SUMF1: variants seen among roughly 807,000 people sequenced by gnomAD.
SUMF1 encodes formylglycine-generating enzyme.
In SUMF1, 48 loss-of-function variants were observed where a neutral mutation model predicts 47.6. The observed-to-expected ratio is 1.01, with a 90% confidence interval of 0.80 to 1.28. SUMF1 has a LOEUF of 1.28. Among genes scored for constraint, SUMF1 ranks in the 50% most tolerant of loss-of-function variants. The probability of loss-of-function intolerance (pLI) is 0.00; values close to 1 mark genes in which losing one functional copy is unlikely to be tolerated. For missense variants in SUMF1, 571 were observed against 485.4 expected, an observed-to-expected ratio of 1.18 and a Z score of -1.66; for synonymous variants, 230 against 192.1, an observed-to-expected ratio of 1.20 and a Z score of -1.63.
chr3:4,183,935 C>G (rs889055269), intron 8 of SUMF1, among the ~76,000 whole-genome samples: 9 of 151,940 alleles, frequency 5.9e-5, no homozygotes, highest in African/African-American at 2.2e-4. Context: ...TCAAGACCAT[C>G]CTGGCCAACA....
intron 8 of SUMF1, among the ~76,000 whole-genome samples, chr3:4,284,703 C>T (rs1354565405): frequency 1.3e-5 from 2 of 151,426 alleles, no homozygotes; most frequent in Non-Finnish European, 2.9e-5. Context: ...TACTTCAAAT[C>T]AGGAAAGGCA....
chr3:4,071,488 G>T (rs572286121), intron 8 of SUMF1, among the ~76,000 whole-genome samples: 2 of 152,334 alleles, frequency 1.3e-5, no homozygotes, highest in African/African-American at 4.8e-5. Context: ...CAGACCAGGA[G>T]ATTCCCTATG....
chr3:4,034,881 G>A (rs1694763607), intron 9 of SUMF1, among the ~76,000 whole-genome samples: 4 of 151,884 alleles, frequency 2.6e-5, no homozygotes, highest in Non-Finnish European at 5.9e-5. Context: ...GTATCAGTCA[G>A]ACTAAACTTG....
At chr3:4,313,404 C>A in intron 8 of SUMF1, 1 of 1,613,876 alleles carries the variant, frequency 6.2e-7, no homozygotes, top group Non-Finnish European at 8.5e-7. Flanking sequence ...TTGGAAGATT[C>A]CTTAATCATT....
At chr3:4,367,780 C>T (rs1039617098) in intron 8 of SUMF1, among the ~76,000 whole-genome samples, 1 of 151,628 alleles carries the variant, frequency 6.6e-6, no homozygotes, top group Admixed American at 6.6e-5. Flanking sequence ...CCTGGCTAGC[C>T]ATATGTAGAA....
chr3:4,332,454 C>A (rs888797021), intron 8 of SUMF1, among the ~76,000 whole-genome samples: 1 of 152,166 alleles, frequency 6.6e-6, no homozygotes, highest in African/African-American at 2.4e-5. Context: ...TTGCTCAAAC[C>A]AAAGGGGTTT....
At chr3:4,464,232 C>T (rs960967138) in intron 1 of SUMF1, among the ~76,000 whole-genome samples, 1 of 152,020 alleles carries the variant, frequency 6.6e-6, no homozygotes, top group Non-Finnish European at 1.5e-5. Context: ...ATTCCATTCC[C>T]AGCTCCGAAA....
intron 1 of SUMF1, among the ~76,000 whole-genome samples, chr3:4,456,266 G>A (rs1703158803): frequency 6.6e-6 from 1 of 151,996 alleles, no homozygotes; most frequent in Non-Finnish European, 1.5e-5. Flanking sequence ...ATACTCAATG[G>A]GGAAAAATGG....
chr3:4,090,193 T>G (rs965459497), intron 8 of SUMF1, among the ~76,000 whole-genome samples: 41 of 152,082 alleles, frequency 2.7e-4, no homozygotes, highest in Admixed American at 2.7e-3. Context: ...ATAATGCTGC[T>G]TCATTCAACA....
chr3:4,271,332 T>C (rs1350860096), intron 8 of SUMF1, among the ~76,000 whole-genome samples: 1 of 152,202 alleles, frequency 6.6e-6, no homozygotes, highest in Non-Finnish European at 1.5e-5. Flanking sequence ...CCATGTCTTA[T>C]GCACCATATA....
chr3:4,363,546 T>A (rs1017442037), intron 8 of SUMF1, among the ~76,000 whole-genome samples: 2 of 151,784 alleles, frequency 1.3e-5, no homozygotes, highest in Admixed American at 1.3e-4. Context: ...GTGTATAAGA[T>A]TGCTTGTGAT....
At chr3:4,349,912 T>C (rs1699451892) in intron 8 of SUMF1, among the ~76,000 whole-genome samples, 1 of 149,932 alleles carries the variant, frequency 6.7e-6, no homozygotes, top group Non-Finnish European at 1.5e-5. Context: ...TGTATTCCTA[T>C]GTAACAAACC....
intron 8 of SUMF1, among the ~76,000 whole-genome samples, chr3:4,145,522 A>G (rs74760589): frequency 3.7e-4 from 57 of 152,228 alleles, no homozygotes; most frequent in African/African-American, 1.4e-3. Flanking sequence ...CTTCTCCTAC[A>G]TGACCTCCCT....
At chr3:4,106,052 T>C (rs1449145414) in intron 8 of SUMF1, among the ~76,000 whole-genome samples, 2 of 151,984 alleles carry the variant, frequency 1.3e-5, no homozygotes, top group African/African-American at 4.8e-5. Context: ...GCTTTATCTG[T>C]TTGCTTTATC....
intron 8 of SUMF1, among the ~76,000 whole-genome samples, chr3:4,089,616 T>C (rs1273858017): frequency 2.6e-5 from 4 of 152,184 alleles, no homozygotes; most frequent in South Asian, 2.1e-4. Context: ...AAAAACTAAA[T>C]TGCAGAACAA....
intron 8 of SUMF1, among the ~76,000 whole-genome samples, chr3:4,354,472 G>A (rs1298526019): frequency 1.3e-5 from 2 of 152,164 alleles, no homozygotes; most frequent in African/African-American, 4.8e-5. Context: ...GTGGATTCAA[G>A]AAGAAAATAC....
At chr3:4,456,971 CGTGT>C (rs371389285) in intron 1 of SUMF1, among the ~76,000 whole-genome samples, 1 of 34,514 alleles carries the variant, frequency 2.9e-5, no homozygotes. Context: ...TATATATATA[CGTGT>C]GTGTATATAT....
chr3:4,268,679 A>T (rs1697247099), intron 8 of SUMF1, among the ~76,000 whole-genome samples: 2 of 151,692 alleles, frequency 1.3e-5, no homozygotes, highest in Non-Finnish European at 2.9e-5. Flanking sequence ...AGAAACTCAG[A>T]TTAAAAAAAA....
intron 8 of SUMF1, among the ~76,000 whole-genome samples, chr3:4,262,261 G>T (rs1697102802): frequency 6.6e-6 from 1 of 152,094 alleles, no homozygotes; most frequent in African/African-American, 2.4e-5. Context: ...GATGGAGAGA[G>T]CTGGGCCTAA....
Sources: gnomAD v4.1 joint callset for allele counts (sites outside exome capture counted in the v4.1 genomes callset) on GRCh38, gnomAD v4.1.1 for gene constraint, MANE v1.5 for transcripts, NCBI Gene and HGNC (gene_info 2026-07-23, HGNC 2026-07-21) for gene names.